The following PBX1 variants were observed in gnomAD, a reference collection of about 807,000 sequenced individuals.
The protein encoded by PBX1 is PBX homeobox 1.
PBX1 carries 6 observed loss-of-function variants against 53.4 expected under a neutral mutation model. That is an observed-to-expected ratio of 0.11 (90% CI 0.06 to 0.22). PBX1 has a LOEUF of 0.22. Among genes scored for constraint, PBX1 ranks in the 10% least tolerant of loss-of-function variants. The pLI is 1.00. For synonymous variants in PBX1, 204 were observed against 212.3 expected (o/e 0.96, Z 0.34); for missense variants, 251 against 551.4 (o/e 0.46, Z 5.46).
At chr1:164,603,668 A>C (rs147694321) in intron 2 of PBX1, among the ~76,000 whole-genome samples, 1 of 152,328 alleles carries the variant, frequency 6.6e-6, no homozygotes, top group African/African-American at 2.4e-5. Flanking sequence ...GATTACCTTT[A>C]CCAAACATCA....
At chr1:164,629,642 A>G (rs900303409) in intron 2 of PBX1, among the ~76,000 whole-genome samples, 2 of 152,150 alleles carry the variant, frequency 1.3e-5, no homozygotes, top group African/African-American at 4.8e-5. Flanking sequence ...CTTTGCTACA[A>G]TTTGTTAGTT....
chr1:164,708,194 A>C (rs1388750096), intron 2 of PBX1, among the ~76,000 whole-genome samples: 3 of 152,154 alleles, frequency 2.0e-5, no homozygotes, highest in Non-Finnish European at 4.4e-5. Context: ...TAAAGCAGGG[A>C]TAGGAACCAG....
In PBX1 at chr1:164,880,456, A is replaced by G. The variant is rs996013362; in HGVS notation, n.258-18732A>G. 4.6e-5 allele frequency among the ~76,000 whole-genome samples: 7 copies of G among 152,320 alleles called. 1 individual carries two copies. The highest frequency in any genetic ancestry group is 3.3e-4 in the Admixed American group (5 of 15,304). On this transcript the variant is annotated intron_variant and non_coding_transcript_variant, in intron 2 of 2. Coordinates refer to the PBX1 transcript ENST00000558796. ...GATGCATCTGGTAGCTGAGACACCA[A>G]GGTGTGGGGACTTGGGAAGGTCAGT...
intron 2 of PBX1, among the ~76,000 whole-genome samples, chr1:164,768,264 A>G (rs1415504037): frequency 2.0e-5 from 3 of 152,196 alleles, no homozygotes; most frequent in Non-Finnish European, 2.9e-5. Context: ...CTCCCAGACA[A>G]TAAGTGCTAG....
intron 2 of PBX1, among the ~76,000 whole-genome samples, chr1:164,868,188 T>C (rs954947897): frequency 6.6e-6 from 1 of 152,192 alleles, no homozygotes; most frequent in Non-Finnish European, 1.5e-5. Flanking sequence ...TGGTTTCCAG[T>C]TGAGCCACAG....
intron 2 of PBX1, among the ~76,000 whole-genome samples, chr1:164,626,402 G>T (rs1658047395): frequency 6.6e-6 from 1 of 152,068 alleles, no homozygotes; most frequent in Non-Finnish European, 1.5e-5. Context: ...GCATTTCTTT[G>T]CCCGGCCTGG....
At chr1:164,764,806 A>G (rs1461979056) in intron 2 of PBX1, among the ~76,000 whole-genome samples, 3 of 152,140 alleles carry the variant, frequency 2.0e-5, no homozygotes, top group Admixed American at 6.5e-5. Flanking sequence ...GCACAACCCT[A>G]TAGGAAATGT....
At chr1:164,614,511 A>G (rs1057016484) in intron 2 of PBX1, among the ~76,000 whole-genome samples, 4 of 151,900 alleles carry the variant, frequency 2.6e-5, no homozygotes, top group East Asian at 1.9e-4. Context: ...CCTATTCTCT[A>G]TGTTGACATG....
In PBX1 at chr1:164,826,002, G is replaced by A. The variant is rs148765056; in HGVS notation, c.1200+4376G>A. On this transcript the variant is annotated intron_variant, in intron 8 of 8. Coordinates refer to ENST00000420696, the MANE Select transcript of PBX1 (RefSeq NM_002585.4). ...CTCCAAGGACAACCTGGAGGAAGGT[G>A]GAAGCAACTTGAAATTGGGAAACTT... 5.5e-3 allele frequency among the ~76,000 whole-genome samples: 839 copies of A among 152,128 alleles called. 6 individuals carry two copies. Among genetic ancestry groups the A allele is most frequent in the Middle Eastern group, 0.017 (5 of 294 alleles).
intron 2 of PBX1, among the ~76,000 whole-genome samples, chr1:164,752,264 T>C (rs1666279214): frequency 6.6e-6 from 1 of 151,464 alleles, no homozygotes; most frequent in African/African-American, 2.4e-5. Context: ...TGCTTAGATA[T>C]GCAGGTAGAT....
At chr1:164,619,303 A>G (rs1018899947) in intron 2 of PBX1, among the ~76,000 whole-genome samples, 5 of 152,122 alleles carry the variant, frequency 3.3e-5, no homozygotes, top group Admixed American at 6.5e-5. Flanking sequence ...AGGGTGGGGC[A>G]TTGGATCTTC....
At chr1:164,610,895 G>C (rs971359167) in intron 2 of PBX1, among the ~76,000 whole-genome samples, 1 of 152,224 alleles carries the variant, frequency 6.6e-6, no homozygotes, top group African/African-American at 2.4e-5. Flanking sequence ...AATGAATTCT[G>C]TCTCCAGTGA....
At chr1:164,612,244 C>T (rs184256653) in intron 2 of PBX1, among the ~76,000 whole-genome samples, 1 of 152,266 alleles carries the variant, frequency 6.6e-6, no homozygotes. Context: ...TGTTGAGAAA[C>T]ACCCTTGTAG....
intron 2 of PBX1, among the ~76,000 whole-genome samples, chr1:164,735,598 C>T (rs183951945): frequency 3.1e-4 from 47 of 152,294 alleles, no homozygotes; most frequent in Middle Eastern, 3.4e-3. Context: ...GCTTTCAGAA[C>T]GAATGGCTTT....
chr1:164,566,254 A>AAAAAC (rs1342693481), intron 2 of PBX1, among the ~76,000 whole-genome samples: 1 of 152,198 alleles, frequency 6.6e-6, no homozygotes, highest in South Asian at 2.1e-4. Context: ...GGGATATTTA[A>AAAAAC]AAAACAAAAC....
chr1:164,614,931 G>A (rs1042845368), intron 2 of PBX1, among the ~76,000 whole-genome samples: 73 of 152,032 alleles, frequency 4.8e-4, no homozygotes, highest in African/African-American at 1.7e-3. Context: ...CTGTCACCAC[G>A]CCTGGCTAAT....
intron 2 of PBX1, among the ~76,000 whole-genome samples, chr1:164,593,507 C>A (rs1222666553): frequency 2.0e-5 from 3 of 152,180 alleles, no homozygotes; most frequent in Admixed American, 6.5e-5. Context: ...TGGTTGTAAA[C>A]CCCAGCTTCA....
Position 164,607,445 on chromosome 1 carries a change from A to G in PBX1, c.265+44134A>G, listed in dbSNP as rs751700575. Reference sequence around the variant, plus strand: ...TCTAGTTTGTAAGTGAAGAATAGCAATGTCTCAAAGGATATCAAGATTACC... The same window carrying G: ...TCTAGTTTGTAAGTGAAGAATAGCAGTGTCTCAAAGGATATCAAGATTACC... On this transcript the variant is annotated intron_variant, in intron 2 of 8. Transcript: ENST00000420696. 4.6e-5 allele frequency among the ~76,000 whole-genome samples: 7 copies of G among 152,194 alleles called. No individual in the cohort carries two copies. In the East Asian group the frequency reaches 5.8e-4, roughly 13 times the overall value.
chr1:164,872,929 G>A (rs1423223202), intron 2 of PBX1, among the ~76,000 whole-genome samples: 1 of 152,204 alleles, frequency 6.6e-6, no homozygotes, highest in African/African-American at 2.4e-5. Flanking sequence ...CAGACAATGT[G>A]TTTAACATGC....
Sources: gnomAD v4.1 joint callset for allele counts (sites outside exome capture counted in the v4.1 genomes callset) on GRCh38, gnomAD v4.1.1 for gene constraint, MANE v1.5 for transcripts, NCBI Gene and HGNC (gene_info 2026-07-23, HGNC 2026-07-21) for gene names.